GPC6: variants seen among roughly 807,000 people sequenced by gnomAD.
GPC6 encodes the protein glypican-6.
A neutral mutation model predicts 55.2 loss-of-function variants in GPC6; 14 were observed. That is an observed-to-expected ratio of 0.25 (90% CI 0.17 to 0.40). GPC6 has a LOEUF of 0.40. Among genes scored for constraint, GPC6 ranks in the 10% least tolerant of loss-of-function variants. GPC6 has a pLI of 1.00. For synonymous variants in GPC6, 278 were observed against 259.6 expected, an observed-to-expected ratio of 1.07 and a Z score of -0.68; for missense variants, 641 against 708.5, an observed-to-expected ratio of 0.90 and a Z score of 1.08.
At chr13:93,874,092 G>T (rs1889216490) in intron 3 of GPC6, among the ~76,000 whole-genome samples, 1 of 151,874 alleles carries the variant, frequency 6.6e-6, no homozygotes, top group South Asian at 2.1e-4. Context: ...TACATGTTCA[G>T]GTTAGCTATA....
At chr13:94,327,830 T>C (rs1877204544) in intron 6 of GPC6, among the ~76,000 whole-genome samples, 1 of 152,202 alleles carries the variant, frequency 6.6e-6, no homozygotes, top group Admixed American at 6.5e-5. Context: ...AGTTTTCTCT[T>C]TCCTTAAACA....
intron 6 of GPC6, among the ~76,000 whole-genome samples, chr13:94,377,153 G>A (rs1879906578): frequency 6.6e-6 from 1 of 151,454 alleles, no homozygotes; most frequent in South Asian, 2.1e-4. Context: ...AGGACTTCAT[G>A]TCTAAAACAC....
intron 5 of GPC6, among the ~76,000 whole-genome samples, chr13:94,288,516 G>C (rs115328418): frequency 0.018 from 2,788 of 151,214 alleles, 90 homozygotes; most frequent in African/African-American, 0.064. Context: ...GCATTATCTG[G>C]CCCCTGCCTA....
chr13:93,689,445 T>G (rs1882170399), intron 2 of GPC6, among the ~76,000 whole-genome samples: 1 of 152,024 alleles, frequency 6.6e-6, no homozygotes. Flanking sequence ...ACAAGGAGTA[T>G]CAAGCACATT....
chr13:94,136,449 G>A (rs901495908), intron 4 of GPC6, among the ~76,000 whole-genome samples: 22 of 152,296 alleles, frequency 1.4e-4, no homozygotes, highest in Non-Finnish European at 2.9e-4. Context: ...GGTGGCTCAC[G>A]CCTGTGATCC....
chr13:93,726,103 TACACACACACAC>T lies in GPC6; in HGVS notation c.320-104013_320-104002del, dbSNP rs71811304. On this transcript the variant is annotated intron_variant, in intron 2 of 8. Coordinates refer to ENST00000377047, the MANE Select transcript of GPC6 (RefSeq NM_005708.5). The stretch of plus-strand genomic sequence containing the variant: ...TGCAAAATAAAGACTTTTTCCTTCA[TACACACACACAC>T]ACACACACACACACACACACACACA... Among the ~76,000 whole-genome samples the T allele has an allele frequency of 5.6e-3, 712 of 126,848 alleles. 7 individuals carry two copies. The highest frequency in any genetic ancestry group is 0.018 in the African/African-American group (611 of 33,314). The allele number at this position is 126,848 out of a possible 152,430, so 83.2% of individuals were successfully genotyped here.
rs181356164 is a variant in GPC6, at chr13:94,022,448, A to G, written c.712-5281A>G. ...TTTTTTTAAGACTCAATAATATTTT[A>G]TTGTGCATATATACCAACTTCTTTA... On this transcript the variant is annotated intron_variant, in intron 3 of 8. Coordinates refer to ENST00000377047, the MANE Select transcript of GPC6 (RefSeq NM_005708.5). Among the ~76,000 whole-genome samples, 206 of 151,994 alleles carry G rather than the reference A, an allele frequency of 1.4e-3. 1 individual carries two copies. Among genetic ancestry groups the G allele is most frequent in the African/African-American group, 4.7e-3 (197 of 41,494 alleles).
At chr13:93,542,204 G>C (rs1393308775) in intron 1 of GPC6, among the ~76,000 whole-genome samples, 8 of 152,158 alleles carry the variant, frequency 5.3e-5, no homozygotes, top group Non-Finnish European at 1.2e-4. Context: ...TTTTGTGTAA[G>C]GTGTAAGGAA....
At chr13:93,388,843 C>T (rs1278793493) in intron 1 of GPC6, among the ~76,000 whole-genome samples, 1 of 152,124 alleles carries the variant, frequency 6.6e-6, no homozygotes, top group Admixed American at 6.6e-5. Flanking sequence ...TTCTATTTCC[C>T]TGGCATCTAG....
chr13:94,257,730 A>G (rs951273934), intron 4 of GPC6, among the ~76,000 whole-genome samples: 63 of 152,192 alleles, frequency 4.1e-4, no homozygotes, highest in African/African-American at 1.4e-3. Flanking sequence ...AATGGCAGAA[A>G]TAAGGCTAAA....
chr13:94,167,223 A>G (rs907749095), intron 4 of GPC6, among the ~76,000 whole-genome samples: 5 of 152,182 alleles, frequency 3.3e-5, no homozygotes, highest in African/African-American at 1.2e-4. Flanking sequence ...AAAGAATAGA[A>G]ATATTTGGAA....
chr13:93,789,616 T>TATATATAATACTAC (rs1885956241), intron 2 of GPC6, among the ~76,000 whole-genome samples: 4 of 31,038 alleles, frequency 1.3e-4, no homozygotes, highest in African/African-American at 3.5e-4. Context: ...TATATATATA[T>TATATATAATACTAC]ATATATATAT....
intron 1 of GPC6, among the ~76,000 whole-genome samples, chr13:93,269,655 G>A (rs1244039051): frequency 1.3e-5 from 2 of 151,774 alleles, no homozygotes; most frequent in East Asian, 1.9e-4. Context: ...GCCGGACACG[G>A]TGGCTCACGC....
chr13:93,622,487 C>T (rs1236975916), intron 2 of GPC6, among the ~76,000 whole-genome samples: 3 of 103,662 alleles, frequency 2.9e-5, no homozygotes, highest in African/African-American at 1.0e-4. Context: ...CAATTTCAGT[C>T]TCTCTCTCAA....
chr13:93,901,694 A>T (rs539155428), intron 3 of GPC6, among the ~76,000 whole-genome samples: 1 of 152,140 alleles, frequency 6.6e-6, no homozygotes, highest in African/African-American at 2.4e-5. Context: ...TGAGGTCAGC[A>T]ATTTGAGACC....
In GPC6 at chr13:93,549,288, T is replaced by C. The variant is rs75123434; in HGVS notation, c.319+3867T>C. On this transcript the variant is annotated intron_variant, in intron 2 of 8. Transcript: ENST00000377047. Reference sequence around the variant, plus strand: ...ACGTAGACAAGGGGAGAGTCATCTTTGTGTACTCACTCATTTTTAGTATTT... The same window carrying C: ...ACGTAGACAAGGGGAGAGTCATCTTCGTGTACTCACTCATTTTTAGTATTT... Among the ~76,000 whole-genome samples, 754 of 152,286 alleles carry C rather than the reference T, an allele frequency of 5.0e-3. 2 individuals are homozygous for C. Among genetic ancestry groups the C allele is most frequent in the African/African-American group, 0.017 (699 of 41,558 alleles).
At chr13:93,829,810 G>A (rs894750254) in intron 2 of GPC6, among the ~76,000 whole-genome samples, 3 of 152,052 alleles carry the variant, frequency 2.0e-5, no homozygotes, top group African/African-American at 7.2e-5. Context: ...TACTCTGCAC[G>A]TTATATTTGC....
At chr13:93,465,489 C>T (rs1235200344) in intron 1 of GPC6, among the ~76,000 whole-genome samples, 3 of 152,172 alleles carry the variant, frequency 2.0e-5, no homozygotes, top group Admixed American at 2.0e-4. Context: ...AGCGTCTTTG[C>T]TTCAACCATA....
chr13:94,126,945 A>G (rs1171287193), intron 4 of GPC6, among the ~76,000 whole-genome samples: 1 of 152,170 alleles, frequency 6.6e-6, no homozygotes, highest in Non-Finnish European at 1.5e-5. Flanking sequence ...ATAGATTAAA[A>G]GTGAAAATCT....
Sources: gnomAD v4.1 joint callset for allele counts (sites outside exome capture counted in the v4.1 genomes callset) on GRCh38, gnomAD v4.1.1 for gene constraint, MANE v1.5 for transcripts, NCBI Gene and HGNC (gene_info 2026-07-23, HGNC 2026-07-21) for gene names.